Variants in TMC6 observed in about 807,000 individuals in gnomAD.
TMC6 encodes transmembrane channel-like protein 6.
A neutral mutation model predicts 95.4 loss-of-function variants in TMC6; 71 were observed. That is an observed-to-expected ratio of 0.74 (90% CI 0.61 to 0.91). The LOEUF is 0.91. Among genes scored for constraint, TMC6 ranks in the 40% least tolerant of loss-of-function variants. The pLI is 0.00. For synonymous variants in TMC6, 514 were observed against 483.1 expected (o/e 1.06, Z -0.84); for missense variants, 1,074 against 1,079.1 (o/e 1.00, Z 0.07).
At chr17:78,119,214 G>T in intron 14 of TMC6, 83 bp downstream of exon 14, 8 of 1,570,132 alleles carry the variant, frequency 5.1e-6, no homozygotes, top group Non-Finnish European at 7.0e-6. Context: ...GTGGCCCCAG[G>T]GGGAGGCAGG....
upstream of TMC6, chr17:78,130,888 G>C (rs774559912): frequency 8.3e-5 from 13 of 156,372 alleles, no homozygotes; most frequent in Non-Finnish European, 1.7e-4. Context: ...AATGCAGAGG[G>C]TGAGGGGCTG....
intron 3 of TMC6, 28 bp from the exon 4 acceptor site, chr17:78,126,394 G>A: frequency 6.2e-7 from 1 of 1,600,852 alleles, no homozygotes; most frequent in Non-Finnish European, 8.5e-7. Context: ...CTCACCAGGG[G>A]TCCTGGAGAT....
rs2074600841 is a variant in TMC6, at chr17:78,124,599, G to A, written c.816C>T (p.Gly272=). Residue 272 remains glycine (G), a synonymous_variant, in exon 8 of 20, where the codon GGC becomes GGT. Coordinates refer to ENST00000590602, the MANE Select transcript of TMC6 (RefSeq NM_001127198.5). ...GGGCGGGTGGGAAGGCGACCTGAGG[G>A]CCCATGATGAAGGCCACCAGCAGCA... ...LLLLLVAFIM[G]PQVAFPPALP... is the part of the protein sequence containing the mutation. 1 of 1,612,266 alleles carries A rather than the reference G, an allele frequency of 6.2e-7. No individual in the cohort carries two copies. The highest frequency in any genetic ancestry group is 1.7e-5 in the Admixed American group (1 of 59,948).
rs1358193515 is a variant in TMC6, at chr17:78,124,357, G to A, written c.891+167C>T. On this transcript the variant is annotated intron_variant, in intron 8 of 19. Coordinates refer to ENST00000590602, the MANE Select transcript of TMC6 (RefSeq NM_001127198.5). ...AGCCCCATGGGAACCCCAGCACGAT[G>A]AGCATCCAGGGTCATTGAGGGGGAG... The A allele has an allele frequency of 2.2e-6, 3 of 1,339,066 alleles. No homozygotes were observed. In the East Asian group the frequency reaches 7.3e-5, roughly 33 times the overall value. 82.9% of individuals were successfully genotyped at this position (1,339,066 alleles called of 1,614,324 possible).
chr17:78,111,859 AG>A lies in TMC6; in HGVS notation c.*1288del. On this transcript the variant is annotated 3_prime_UTR_variant, in exon 20 of 20. Coordinates refer to ENST00000590602, the MANE Select transcript of TMC6 (RefSeq NM_001127198.5). ...CAGGCCTGGAGCCCTGGGCTGTGACAGGCTGGTCCCCACAAGCCTGGAACCC... is the reference window on the plus strand; with the variant it reads ...CAGGCCTGGAGCCCTGGGCTGTGACAGCTGGTCCCCACAAGCCTGGAACCC... The A allele has an allele frequency of 5.3e-6, 1 of 190,088 alleles. No homozygotes were observed. The highest frequency in any genetic ancestry group is 1.1e-5 in the Non-Finnish European group (1 of 90,548). 11.8% of individuals were successfully genotyped at this position (190,088 alleles called of 1,614,324 possible).
intron 4 of TMC6, 133 bp downstream of exon 4, chr17:78,126,144 G>C: frequency 7.5e-7 from 1 of 1,328,262 alleles, no homozygotes. Flanking sequence ...CTAGGAGCCC[G>C]CCCTGGGCCT....
upstream of TMC6, among the ~76,000 whole-genome samples, chr17:78,129,578 A>G (rs1260840717): frequency 3.3e-5 from 5 of 152,086 alleles, no homozygotes. The surrounding 1 kb of genome is among the most constrained non-coding windows in gnomAD (Gnocchi z 4.3). Context: ...AGGCAGGGTG[A>G]ATGTGAGCTG....
chr17:78,115,364 C>T (rs911210979), intron 18 of TMC6, among the ~76,000 whole-genome samples: 2 of 152,180 alleles, frequency 1.3e-5, no homozygotes, highest in South Asian at 2.1e-4. Context: ...AGGACACTGG[C>T]ACTCACCAGC....
chr17:78,122,996 G>A lies in TMC6; in HGVS notation c.1083-247C>T. On this transcript the variant is annotated intron_variant, in intron 9 of 19. Transcript: ENST00000590602. This position sits in a 1 kb window ranked among gnomAD's most constrained non-coding sequence, Gnocchi z 4.9. ...GCAGGGCTGCATTCACCGCGGACTT[G>A]GCTGGCTGCCTCCCAGCGAGACATG... is the stretch of plus-strand genomic sequence containing the variant. The A allele has an allele frequency of 1.7e-6, 1 of 594,488 alleles. No homozygotes were observed. The highest frequency in any genetic ancestry group is 1.9e-5 in the South Asian group (1 of 51,490). 36.8% of individuals were successfully genotyped at this position (594,488 alleles called of 1,614,324 possible). A position where few individuals can be genotyped will look rare whatever the true frequency, so the allele number is the denominator to read the frequency against.
In TMC6 at chr17:78,121,230, G is replaced by A. The variant is rs930739090; in HGVS notation, c.1384-66C>T. ...CCATGGTGGGAGCGGGCAGCTACAG[G>A]GAAGGGCCCGGGGTGGAACTGGCAG... On this transcript the variant is annotated intron_variant, in intron 11 of 19. Transcript: ENST00000590602. This position sits in a 1 kb window ranked among gnomAD's most constrained non-coding sequence, Gnocchi z 5.6. The A allele has an allele frequency of 1.9e-6, 3 of 1,542,020 alleles. No homozygotes were observed. In the African/African-American group the frequency reaches 4.1e-5, roughly 21 times the overall value.
At position 78,126,701 on chromosome 17, in the gene TMC6, G is replaced by GCAGCC. The variant is rs2074736719; in HGVS notation, c.57-58_57-54dup. The GCAGCC allele has an allele frequency of 5.0e-6, 8 of 1,612,010 alleles. No homozygotes were observed. In the Admixed American group the frequency reaches 1.3e-4, roughly 27 times the overall value. ...GGCTCCAGCCACCTCTCTCCTTCCA[G>GCAGCC]CAGCCCCTGCTCAGGTGACCTCTCC... On this transcript the variant is annotated intron_variant, in intron 2 of 19. Coordinates refer to ENST00000590602, the MANE Select transcript of TMC6 (RefSeq NM_001127198.5).
chr17:78,112,388 G>A lies in TMC6; in HGVS notation c.*760C>T, dbSNP rs1039715570. 5 of 180,738 alleles carry A rather than the reference G, an allele frequency of 2.8e-5. No homozygotes were observed. The highest frequency in any genetic ancestry group is 1.8e-4 in the East Asian group (1 of 5,432). The allele number at this position is 180,738 out of a possible 1,614,324, so 11.2% of individuals were successfully genotyped here. A position where few individuals can be genotyped will look rare whatever the true frequency, so the allele number is the denominator to read the frequency against. On this transcript the variant is annotated 3_prime_UTR_variant, in exon 20 of 20. Transcript: ENST00000590602. ...CCTGTGCCCACCCCCCACAGCCTAC[G>A]GTTTTCGGTATCCCACGGGCTCCTC...
rs906415391 is a variant in TMC6, at chr17:78,113,744, A to G, written c.2278-120T>C. The G allele has an allele frequency of 2.9e-6, 3 of 1,045,776 alleles. No homozygotes were observed. The South Asian group carries it at 3.8e-5, about 13-fold the overall frequency. 64.8% of individuals were successfully genotyped at this position (1,045,776 alleles called of 1,614,324 possible). ...GGTGTATTCAACATCGCAAGCAGCA[A>G]AAACATAAAAGAAAAGGTGAAAGGG... is the stretch of plus-strand genomic sequence containing the variant. On this transcript the variant is annotated intron_variant, in intron 18 of 19. Coordinates refer to ENST00000590602, the MANE Select transcript of TMC6 (RefSeq NM_001127198.5).
rs79781381 is a variant in TMC6, at chr17:78,113,328, G to A, written c.2355-117C>T. The A allele has an allele frequency of 9.5e-4, 1,241 of 1,308,072 alleles. 16 individuals are homozygous for A. In the East Asian group the frequency reaches 0.026, roughly 27 times the overall value. 81.0% of individuals were successfully genotyped at this position (1,308,072 alleles called of 1,614,324 possible). A position where few individuals can be genotyped will look rare whatever the true frequency, so the allele number is the denominator to read the frequency against. ...CCAGACGCCCCACAGCCTTTCTCCT[G>A]AGATGTATTTTAGGTCCCTGTCAAA... On this transcript the variant is annotated intron_variant, in intron 19 of 19. Transcript: ENST00000590602.
rs548981877 is a variant in TMC6 at position 78,117,393 on chromosome 17, G to A, written c.2199-46C>T. 56 of 1,612,360 alleles carry A rather than the reference G, an allele frequency of 3.5e-5. 1 individual carries two copies. The East Asian group carries it at 1.2e-3, about 34-fold the overall frequency. ...GGCAGGGCCCAGGGCCACAGCCCGG[G>A]AGCGGCCAGTCCCCACACGGTGCAG... is the stretch of plus-strand genomic sequence containing the variant. On this transcript the variant is annotated intron_variant, in intron 17 of 19. Coordinates refer to ENST00000590602, the MANE Select transcript of TMC6 (RefSeq NM_001127198.5).
intron 18 of TMC6, 185 bp from the exon 19 acceptor site, chr17:78,113,809 T>G (rs1232483465): frequency 1.5e-6 from 1 of 656,760 alleles, no homozygotes; most frequent in Non-Finnish European, 2.7e-6. Flanking sequence ...AGCCAGGAAG[T>G]GGGCGTATGT....
intron 18 of TMC6, among the ~76,000 whole-genome samples, chr17:78,116,074 A>G (rs114851001): frequency 7.9e-5 from 12 of 151,918 alleles, no homozygotes; most frequent in Non-Finnish European, 1.5e-4. Context: ...CAGTGGCGCA[A>G]TCTGGGCTGA....
intron 15 of TMC6, chr17:78,118,209 C>T (rs1159253951): frequency 3.6e-6 from 2 of 557,450 alleles, no homozygotes; most frequent in Non-Finnish European, 6.4e-6. Flanking sequence ...CCTCAGTCCC[C>T]ACTGGAACAT....
Position 78,113,108 on chromosome 17 carries a change from CAG to C in TMC6, c.*38_*39del, listed in dbSNP as rs1226613696. On this transcript the variant is annotated 3_prime_UTR_variant, in exon 20 of 20. Transcript: ENST00000590602. The stretch of plus-strand genomic sequence containing the variant: ...TCACTGGGAGGCAACAGTGTGGTCT[CAG>C]GGTGCTGGGCGGGCCCGTGAGGCCC... 2 of 1,549,378 alleles carry C rather than the reference CAG, an allele frequency of 1.3e-6. No individual in the cohort carries two copies. Among genetic ancestry groups the C allele is most frequent in the Non-Finnish European group, 8.7e-7 (1 of 1,145,950 alleles).
Sources: allele counts gnomAD v4.1 joint callset (sites outside exome capture counted in the v4.1 genomes callset), GRCh38; gene constraint gnomAD v4.1.1; non-coding constraint Gnocchi (gnomAD v3.1); transcripts MANE v1.5; gene names NCBI Gene and HGNC (gene_info 2026-07-23, HGNC 2026-07-21).